Variants in FHL2 observed in about 807,000 individuals in gnomAD.
FHL2 encodes the protein four and a half LIM domains 2, also known as four and a half LIM domains protein 2.
A neutral mutation model predicts 32.7 loss-of-function variants in FHL2; 20 were observed. The observed-to-expected ratio is 0.61, with a 90% CI of 0.43 to 0.89. The LOEUF (loss-of-function observed/expected upper bound fraction) is 0.89. Ranked by LOEUF, FHL2 falls within the 40% of genes least tolerant of loss-of-function variation. The pLI is 0.00. For missense variants in FHL2, 311 were observed against 358.6 expected (o/e 0.87, Z 1.07); for synonymous variants, 123 against 128.1 (o/e 0.96, Z 0.27).
upstream of FHL2, chr2:105,399,563 A>C (rs1357854868): frequency 1.3e-6 from 2 of 1,535,872 alleles, no homozygotes; most frequent in East Asian, 4.9e-5. Flanking sequence ...CCTTCGTTCC[A>C]CTACGGAGGG....
intron 1 of FHL2, among the ~76,000 whole-genome samples, chr2:105,424,050 T>C (rs1326120459): frequency 6.6e-6 from 1 of 152,172 alleles, no homozygotes; most frequent in African/African-American, 2.4e-5. Flanking sequence ...CTAAAGAGCT[T>C]CTGAACAGTA....
intron 1 of FHL2, among the ~76,000 whole-genome samples, chr2:105,413,680 A>G (rs1055809256): frequency 6.6e-6 from 1 of 152,036 alleles, no homozygotes; most frequent in African/African-American, 2.4e-5. Flanking sequence ...AGGTCTTGCT[A>G]TGTTGCCCGG....
chr2:105,437,463 AAAATTC>A (rs1684646602), intron 1 of FHL2, among the ~76,000 whole-genome samples: 1 of 152,242 alleles, frequency 6.6e-6, no homozygotes, highest in Non-Finnish European at 1.5e-5. Context: ...GCAATAAAAT[AAAATTC>A]AAATAATATT....
chr2:105,392,955 T>C (rs1682836645), intron 2 of FHL2, among the ~76,000 whole-genome samples: 2 of 150,988 alleles, frequency 1.3e-5, no homozygotes, highest in Admixed American at 1.3e-4. Context: ...AAGTAGCTGG[T>C]ATTACAGGCG....
chr2:105,373,698 G>A lies in FHL2; in HGVS notation c.192C>T (p.Ala64=), dbSNP rs199943518. ...TTCTGCACTGCGAGCAGTGGAAACA[G>A]GCTTCATGCCAGTGCCGGTCCTTGT... The part of the protein sequence containing the change: ...LSYKDRHWHE[A]CFHCSQCRNS... Residue 64 remains alanine (A), a synonymous_variant, in exon 4 of 7, where the codon GCC becomes GCT. Transcript: ENST00000530340. The A allele has an allele frequency of 5.1e-4, 817 of 1,614,196 alleles. 6 individuals carry two copies. The highest frequency in any genetic ancestry group is 4.6e-3 in the South Asian group (423 of 91,080).
chr2:105,364,178 C>G (rs998640705), intron 5 of FHL2, among the ~76,000 whole-genome samples: 1 of 152,152 alleles, frequency 6.6e-6, no homozygotes, highest in Non-Finnish European at 1.5e-5. Flanking sequence ...ATCGCTTGAA[C>G]CCTGGAAACA....
chr2:105,413,545 C>T (rs1683854615), intron 1 of FHL2, among the ~76,000 whole-genome samples: 1 of 152,164 alleles, frequency 6.6e-6, no homozygotes, highest in African/African-American at 2.4e-5. Context: ...ATGTTCACAG[C>T]TCACTATAAC....
At chr2:105,399,357 C>A, upstream of FHL2, 4 of 1,535,942 alleles carry the variant, frequency 2.6e-6, no homozygotes, top group Non-Finnish European at 3.5e-6. Flanking sequence ...AGGGGTCTGC[C>A]CACGCCGGGA....
downstream of FHL2, chr2:105,358,006 A>G (rs1434898705): frequency 2.0e-5 from 3 of 152,190 alleles, no homozygotes; most frequent in Non-Finnish European, 2.9e-5. Context: ...AGCCCTGTCC[A>G]TACATACTTC....
intron 3 of FHL2, among the ~76,000 whole-genome samples, chr2:105,377,119 A>G (rs1558693623): frequency 6.6e-6 from 1 of 152,224 alleles, no homozygotes. Flanking sequence ...CTTGAGCAGT[A>G]AGATATACAT....
intron 4 of FHL2, among the ~76,000 whole-genome samples, chr2:105,372,682 A>G (rs904175051): frequency 6.6e-6 from 1 of 152,102 alleles, no homozygotes. Context: ...TCAGCTACTT[A>G]GGAGGCTAAG....
upstream of FHL2, chr2:105,399,167 C>A: frequency 7.2e-7 from 1 of 1,388,926 alleles, no homozygotes; most frequent in Non-Finnish European, 9.2e-7. Context: ...CGGGCGCCCC[C>A]AGGCCTCGCG....
At chr2:105,361,479 C>T in intron 6 of FHL2, 45 bp from the exon 7 acceptor site, 1 of 1,569,316 alleles carries the variant, frequency 6.4e-7, no homozygotes, top group Non-Finnish European at 8.7e-7. Flanking sequence ...AAGTTAGAAT[C>T]AGGCAACTGG....
intron 4 of FHL2, among the ~76,000 whole-genome samples, chr2:105,372,220 C>A (rs1019901353): frequency 8.9e-5 from 11 of 123,548 alleles, no homozygotes; most frequent in African/African-American, 1.3e-4. Context: ...TATTCCTTAT[C>A]CTACATAACT....
chr2:105,411,930 C>A (rs553179086), intron 1 of FHL2, among the ~76,000 whole-genome samples: 1 of 152,238 alleles, frequency 6.6e-6, no homozygotes, highest in Non-Finnish European at 1.5e-5. Flanking sequence ...GACTCATCCT[C>A]ACAATGCCAC....
intron 1 of FHL2, chr2:105,438,322 T>A: frequency 3.1e-6 from 3 of 975,974 alleles, no homozygotes; most frequent in Non-Finnish European, 3.7e-6. Context: ...ACAAGATGCC[T>A]ACAGAGCTGC....
chr2:105,364,224 C>G (rs80011010), intron 5 of FHL2, among the ~76,000 whole-genome samples: 21,251 of 152,140 alleles, frequency 0.14, 1,837 homozygotes, highest in South Asian at 0.24. Flanking sequence ...CCACTGCACA[C>G]CAGCCTGGAC....
At chr2:105,389,389 A>G (rs1682555381) in intron 2 of FHL2, among the ~76,000 whole-genome samples, 1 of 152,202 alleles carries the variant, frequency 6.6e-6, no homozygotes, top group Non-Finnish European at 1.5e-5. Flanking sequence ...TTTCATCACA[A>G]TTGAGAGCTG....
At chr2:105,399,690 A>G, upstream of FHL2, 4 of 1,415,712 alleles carry the variant, frequency 2.8e-6, no homozygotes, top group Admixed American at 7.5e-5. Context: ...TGCCTCCCAC[A>G]TTCCAAGCCC....
Sources: allele counts gnomAD v4.1 joint callset (sites outside exome capture counted in the v4.1 genomes callset), GRCh38; gene constraint gnomAD v4.1.1; transcripts MANE v1.5; gene names NCBI Gene and HGNC (gene_info 2026-07-23, HGNC 2026-07-21).